The following MGA variants were observed in gnomAD, a reference collection of about 807,000 sequenced individuals.
MGA encodes the protein MAX gene-associated protein.
MGA carries 40 observed loss-of-function variants against 261.1 expected under a neutral mutation model. The ratio of observed to expected loss-of-function variants is 0.15; its 90% CI spans 0.12 to 0.20. The LOEUF (loss-of-function observed/expected upper bound fraction) is 0.20, where lower values mean the gene tolerates loss of function less well. Among genes scored for constraint, MGA ranks in the 10% least tolerant of loss-of-function variants. MGA has a pLI of 1.00. For synonymous variants in MGA, 1,302 were observed against 1,290.6 expected (o/e 1.01, Z -0.19); for missense variants, 3,397 against 3,630.5 (o/e 0.94, Z 1.65).
At chr15:41,750,974 A>G (rs901838109) in intron 17 of MGA, 3 of 174,468 alleles carry the variant, frequency 1.7e-5, no homozygotes, top group East Asian at 1.5e-4. Flanking sequence ...CTTCTCTGGT[A>G]GATGTTAATC....
intron 1 of MGA, among the ~76,000 whole-genome samples, chr15:41,654,379 T>TA (rs1044683123): frequency 6.6e-5 from 10 of 152,162 alleles, no homozygotes; most frequent in Middle Eastern, 3.4e-3. Context: ...GATCTTTTTT[T>TA]AAAAAAAATC....
chr15:41,704,034 A>C (rs991922625), intron 5 of MGA, among the ~76,000 whole-genome samples: 1 of 152,050 alleles, frequency 6.6e-6, no homozygotes, highest in Admixed American at 6.6e-5. Context: ...CCTGGTCTCG[A>C]ACTCTTCAGC....
intron 18 of MGA, among the ~76,000 whole-genome samples, chr15:41,756,452 A>G (rs1365710619): frequency 1.3e-5 from 2 of 152,220 alleles, no homozygotes; most frequent in Non-Finnish European, 2.9e-5. Flanking sequence ...GAACTCGCAT[A>G]CTGCAAGTGG....
intron 14 of MGA, among the ~76,000 whole-genome samples, chr15:41,740,562 A>G (rs1448342100): frequency 2.6e-5 from 4 of 152,156 alleles, no homozygotes; most frequent in Admixed American, 2.6e-4. Flanking sequence ...GAAGACATTT[A>G]AAAATAGTTT....
At chr15:41,644,882 A>G (rs763048721) in intron 1 of MGA, among the ~76,000 whole-genome samples, 1 of 152,202 alleles carries the variant, frequency 6.6e-6, no homozygotes, top group Non-Finnish European at 1.5e-5. Context: ...CTTTTTCTGT[A>G]GAGGGCCACA....
chr15:41,680,456 G>A (rs570001580), intron 2 of MGA, among the ~76,000 whole-genome samples: 43 of 152,204 alleles, frequency 2.8e-4, no homozygotes, highest in Middle Eastern at 3.4e-3. Context: ...GAAATGCATG[G>A]TCCCCAACAA....
At chr15:41,644,014 G>A (rs1219878037) in intron 1 of MGA, among the ~76,000 whole-genome samples, 2 of 151,850 alleles carry the variant, frequency 1.3e-5, no homozygotes, top group East Asian at 1.9e-4. Flanking sequence ...TGAGGTAAAT[G>A]GTTCAACATA....
At chr15:41,765,100 A>C (rs2063731114) in intron 23 of MGA, 38 bp downstream of exon 23, 6 of 1,600,878 alleles carry the variant, frequency 3.7e-6, no homozygotes, top group Non-Finnish European at 4.3e-6. Flanking sequence ...GAAGTGATAA[A>C]GTTATCCCTA....
intron 9 of MGA, among the ~76,000 whole-genome samples, chr15:41,725,479 A>G (rs1390859732): frequency 6.6e-6 from 1 of 152,146 alleles, no homozygotes; most frequent in Non-Finnish European, 1.5e-5. Context: ...CCAGGAGGCT[A>G]CAGTGAGCCA....
At chr15:41,759,465 T>TGTGTGTA (rs1491320385) in intron 19 of MGA, among the ~76,000 whole-genome samples, 1 of 49,068 alleles carries the variant, frequency 2.0e-5, no homozygotes, top group Non-Finnish European at 5.5e-5. Context: ...TGTGTGTGTA[T>TGTGTGTA]TTTTTTTTTT....
At chr15:41,668,712 A>T in intron 1 of MGA, 116 bp from the exon 2 acceptor site, 2 of 457,376 alleles carry the variant, frequency 4.4e-6, no homozygotes, top group Non-Finnish European at 7.7e-6. Context: ...GTCTTAGAAG[A>T]ATTTAGGAAT....
At position 41,749,780 on chromosome 15, in the gene MGA, C is replaced by G; in HGVS notation, c.6173C>G (p.Thr2058Arg). The change falls in exon 17 of 24, where the codon ACA (threonine) becomes AGA (arginine). Residue 2058 changes from threonine (T) to arginine (R), a missense_variant. By Grantham distance (71) the Thr-to-Arg change is moderately conservative. Coordinates refer to ENST00000219905, the MANE Select transcript of MGA (RefSeq NM_001164273.2). ...CATTCCTGTATCACTGGGTCACATA[C>G]AGATCAAGATTATAAAGATGTTAAT... The G allele has an allele frequency of 6.2e-7, 1 of 1,613,898 alleles. No homozygotes were observed. Among genetic ancestry groups the G allele is most frequent in the Middle Eastern group, 1.6e-4 (1 of 6,062 alleles).
Position 41,698,847 on chromosome 15 carries a change from T to G in MGA, c.2014-16T>G, listed in dbSNP as rs563059776. On this transcript the variant is annotated splice_polypyrimidine_tract_variant and intron_variant, in intron 3 of 23. Coordinates refer to ENST00000219905, the MANE Select transcript of MGA (RefSeq NM_001164273.2). ...AGCAATATGAACTACTATTTTTTTT[T>G]TTTTTTGATGTATAGGAAGCTCTAG... The G allele has an allele frequency of 1.5e-5, 22 of 1,509,240 alleles. No individual in the cohort carries two copies. In the African/African-American group the frequency reaches 3.0e-4, roughly 20 times the overall value. The allele number at this position is 1,509,240 out of a possible 1,614,324, so 93.5% of individuals were successfully genotyped here.
chr15:41,675,398 A>G (rs1465514595), intron 2 of MGA, among the ~76,000 whole-genome samples: 1 of 146,438 alleles, frequency 6.8e-6, no homozygotes, highest in African/African-American at 2.5e-5. Flanking sequence ...TTGAGTCAGG[A>G]TCTTGCTGTT....
chr15:41,644,881 T>C (rs1343010907), intron 1 of MGA, among the ~76,000 whole-genome samples: 2 of 152,152 alleles, frequency 1.3e-5, no homozygotes, highest in African/African-American at 2.4e-5. Flanking sequence ...ACTTTTTCTG[T>C]AGAGGGCCAC....
rs1216921962 is a variant in MGA, at chr15:41,708,095, C to A, written c.2321-9C>A. 6.4e-6 allele frequency: 10 copies of A among 1,556,246 alleles called. No individual in the cohort carries two copies. Among genetic ancestry groups the A allele is most frequent in the Non-Finnish European group, 8.7e-6 (10 of 1,152,728 alleles). ...ATTTTGGTCATCTGTTTGACTTTTT[C>A]TTTTATAGATGCGGGATTTCCCTTT... is the stretch of plus-strand genomic sequence containing the variant. On this transcript the variant is annotated splice_polypyrimidine_tract_variant and intron_variant, in intron 6 of 23. Transcript: ENST00000219905.
intron 1 of MGA, among the ~76,000 whole-genome samples, chr15:41,634,437 A>T (rs551466461): frequency 2.8e-4 from 42 of 152,290 alleles, no homozygotes; most frequent in Admixed American, 1.0e-3. Flanking sequence ...GAATGGCTTT[A>T]TCTCCTGTCA....
chr15:41,737,677 C>T (rs1353374400), intron 13 of MGA, among the ~76,000 whole-genome samples: 1 of 152,072 alleles, frequency 6.6e-6, no homozygotes, highest in Non-Finnish European at 1.5e-5. Flanking sequence ...GAATTAATGT[C>T]ATAGTCAGAA....
chr15:41,765,194 G>T (rs2063737531), intron 23 of MGA, 132 bp downstream of exon 23: 13 of 1,074,240 alleles, frequency 1.2e-5, no homozygotes, highest in Non-Finnish European at 1.8e-5. Context: ...TTGGTAAGAG[G>T]TGGCCCTATT....
Sources: allele counts gnomAD v4.1 joint callset (sites outside exome capture counted in the v4.1 genomes callset), GRCh38; gene constraint gnomAD v4.1.1; transcripts MANE v1.5; gene names NCBI Gene and HGNC (gene_info 2026-07-23, HGNC 2026-07-21).